The following FHIT variants were observed in gnomAD, a reference collection of about 807,000 sequenced individuals.
FHIT encodes the protein fragile histidine triad diadenosine triphosphatase.
A neutral mutation model predicts 17.9 loss-of-function variants in FHIT; 19 were observed. The observed-to-expected ratio is 1.06, with a 90% CI of 0.74 to 1.56. The LOEUF (loss-of-function observed/expected upper bound fraction) is 1.56. FHIT is among the 40% of genes most tolerant of loss of function. FHIT has a pLI of 0.00. For missense variants in FHIT, 248 were observed against 189.2 expected (o/e 1.31, Z -1.82); for synonymous variants, 81 against 69.7 (o/e 1.16, Z -0.81).
At chr3:61,078,982 T>C (rs770473315) in intron 2 of FHIT, among the ~76,000 whole-genome samples, 10 of 152,150 alleles carry the variant, frequency 6.6e-5, no homozygotes, top group Non-Finnish European at 1.5e-4. Flanking sequence ...AAAGTCAATA[T>C]GGGTACCACA....
intron 4 of FHIT, among the ~76,000 whole-genome samples, chr3:60,621,901 C>T (rs923689027): frequency 2.0e-5 from 3 of 151,848 alleles, no homozygotes; most frequent in African/African-American, 7.3e-5. Context: ...ATTACATGGT[C>T]TGACAGTTAA....
chr3:60,665,943 AG>A (rs2040372812), intron 4 of FHIT, among the ~76,000 whole-genome samples: 1 of 152,058 alleles, frequency 6.6e-6, no homozygotes, highest in African/African-American at 2.4e-5. Context: ...TTCTTTGTAT[AG>A]TTTTCACTGT....
At chr3:60,819,142 G>C (rs1230177342) in intron 4 of FHIT, among the ~76,000 whole-genome samples, 1 of 151,128 alleles carries the variant, frequency 6.6e-6, no homozygotes, top group Admixed American at 6.6e-5. Context: ...ATGGAAACAA[G>C]TAAAAACATT....
chr3:60,233,307 C>T (rs1306963667), intron 5 of FHIT, among the ~76,000 whole-genome samples: 1 of 152,138 alleles, frequency 6.6e-6, no homozygotes, highest in Non-Finnish European at 1.5e-5. Flanking sequence ...CCAGCTTTGT[C>T]CATTAACTGC....
At chr3:60,313,052 T>C (rs1709014591) in intron 5 of FHIT, among the ~76,000 whole-genome samples, 1 of 152,140 alleles carries the variant, frequency 6.6e-6, no homozygotes. Context: ...TAGTTTATTT[T>C]CTCCAAGGTC....
At chr3:61,223,415 C>G (rs2106835876) in intron 1 of FHIT, among the ~76,000 whole-genome samples, 1 of 152,314 alleles carries the variant, frequency 6.6e-6, no homozygotes, top group East Asian at 1.9e-4. Context: ...TCCCCCAGCA[C>G]AGATCCTAGT....
chr3:61,208,071 T>C (rs1268573200), intron 1 of FHIT, among the ~76,000 whole-genome samples: 3 of 152,208 alleles, frequency 2.0e-5, no homozygotes, highest in African/African-American at 7.2e-5. Context: ...TTTCGTTATG[T>C]ACCCCATAGT....
intron 3 of FHIT, among the ~76,000 whole-genome samples, chr3:60,925,957 G>C (rs1210347238): frequency 9.2e-5 from 14 of 152,166 alleles, no homozygotes; most frequent in African/African-American, 1.2e-4. Flanking sequence ...AAGAGACAAA[G>C]AAGGCCATTA....
Position 60,319,167 on chromosome 3 carries a change from A to G in FHIT, c.103+217693T>C, listed in dbSNP as rs1437749349. On this transcript the variant is annotated intron_variant, in intron 5 of 9. Transcript: ENST00000492590. ...TAAGGTAACATTCACAGGTACCAGG[A>G]ATTAGGACATGGACATACTTGGGGG... Among the ~76,000 whole-genome samples, 4 of 152,088 alleles carry G rather than the reference A, an allele frequency of 2.6e-5. No individual in the cohort carries two copies. The East Asian group carries it at 7.7e-4, about 29-fold the overall frequency.
At chr3:61,021,049 T>C (rs1385297651) in intron 3 of FHIT, among the ~76,000 whole-genome samples, 3 of 152,090 alleles carry the variant, frequency 2.0e-5, no homozygotes, top group Non-Finnish European at 4.4e-5. Flanking sequence ...CTTAGAGACC[T>C]ACAAAGAGAC....
intron 2 of FHIT, among the ~76,000 whole-genome samples, chr3:61,177,452 TG>T (rs1011068097): frequency 6.6e-5 from 10 of 152,124 alleles, no homozygotes; most frequent in African/African-American, 2.4e-4. Flanking sequence ...AAATAAAGGT[TG>T]GGGAGAGGGT....
intron 3 of FHIT, among the ~76,000 whole-genome samples, chr3:60,977,259 C>A (rs1288633285): frequency 6.6e-6 from 1 of 152,072 alleles, no homozygotes; most frequent in African/African-American, 2.4e-5. Flanking sequence ...TGAGAGTGAA[C>A]CTGGGTGGTG....
chr3:59,841,924 A>C lies in FHIT; in HGVS notation c.348+80422T>G, dbSNP rs549333350. 2.6e-5 allele frequency among the ~76,000 whole-genome samples: 4 copies of C among 152,296 alleles called. No homozygotes were observed. In the East Asian group the frequency reaches 7.7e-4, roughly 29 times the overall value. ...GAATACACATAATCTAAAATTTACT[A>C]TCTTGGCTATTTTTAGGTGTACAGT... On this transcript the variant is annotated intron_variant, in intron 8 of 9. Coordinates refer to ENST00000492590, the MANE Select transcript of FHIT (RefSeq NM_002012.4).
At chr3:60,384,364 G>A (rs1700923713) in intron 5 of FHIT, among the ~76,000 whole-genome samples, 1 of 152,038 alleles carries the variant, frequency 6.6e-6, no homozygotes, top group Non-Finnish European at 1.5e-5. Flanking sequence ...CAGAGATGAT[G>A]ATATAAAGTA....
chr3:60,520,857 A>G (rs1018679882), intron 5 of FHIT, among the ~76,000 whole-genome samples: 1 of 152,278 alleles, frequency 6.6e-6, no homozygotes. Flanking sequence ...AATGAACAGC[A>G]GCATTTTTCA....
chr3:60,315,400 A>G (rs973692960), intron 5 of FHIT, among the ~76,000 whole-genome samples: 2 of 152,176 alleles, frequency 1.3e-5, no homozygotes, highest in Non-Finnish European at 2.9e-5. Flanking sequence ...ACATGTTTCC[A>G]GAAGCCTCTC....
chr3:59,929,289 C>T (rs1053719228), intron 7 of FHIT, among the ~76,000 whole-genome samples: 3 of 150,990 alleles, frequency 2.0e-5, no homozygotes, highest in African/African-American at 7.3e-5. Flanking sequence ...TATTATTCTA[C>T]CAATTTTATA....
At chr3:60,986,727 A>C (rs948385759) in intron 3 of FHIT, among the ~76,000 whole-genome samples, 3 of 152,090 alleles carry the variant, frequency 2.0e-5, no homozygotes, top group Non-Finnish European at 4.4e-5. Flanking sequence ...GCTTCACCAC[A>C]CACTCAAGAA....
intron 5 of FHIT, among the ~76,000 whole-genome samples, chr3:60,336,133 T>TG (rs1484894513): frequency 2.0e-5 from 3 of 152,208 alleles, no homozygotes; most frequent in Non-Finnish European, 4.4e-5. Context: ...TCTCTCCACA[T>TG]GCTTTACATC....
Sources: allele counts gnomAD v4.1 joint callset (sites outside exome capture counted in the v4.1 genomes callset), GRCh38; gene constraint gnomAD v4.1.1; transcripts MANE v1.5; gene names NCBI Gene and HGNC (gene_info 2026-07-23, HGNC 2026-07-21).